Variants in LMO7 observed in about 807,000 individuals in gnomAD.
The protein encoded by LMO7 is LIM domain 7, also known as LIM domain only protein 7.
In LMO7, 120 loss-of-function variants were observed where a neutral mutation model predicts 206.5. That is an observed-to-expected ratio of 0.58 (90% CI 0.50 to 0.68). The LOEUF (loss-of-function observed/expected upper bound fraction) is 0.68. Among genes scored for constraint, LMO7 ranks in the 30% least tolerant of loss-of-function variants. The pLI is 0.00. For synonymous variants in LMO7, 706 were observed against 681.5 expected (o/e 1.04, Z -0.56); for missense variants, 1,959 against 1,957.9 (o/e 1.00, Z -0.01).
intron 1 of LMO7, among the ~76,000 whole-genome samples, chr13:75,647,969 T>TTTTTTTTTTTTA (rs2037201174): frequency 6.7e-6 from 1 of 148,670 alleles, no homozygotes; most frequent in Non-Finnish European, 1.5e-5. Context: ...TTTTTTTTTT[T>TTTTTTTTTTTTA]GAGACAGGGT....
chr13:75,729,671 A>T (rs917753388), intron 3 of LMO7, among the ~76,000 whole-genome samples: 14 of 151,430 alleles, frequency 9.2e-5, no homozygotes, highest in African/African-American at 3.4e-4. Context: ...TATGTTGAAT[A>T]GGAGTGGTGA....
chr13:75,699,525 C>T (rs1414144590), intron 1 of LMO7, among the ~76,000 whole-genome samples: 1 of 151,674 alleles, frequency 6.6e-6, no homozygotes, highest in Non-Finnish European at 1.5e-5. Flanking sequence ...AATTTTACAG[C>T]TGGGTCTCCG....
chr13:75,831,063 A>G (rs747156043), intron 15 of LMO7, among the ~76,000 whole-genome samples: 7 of 151,896 alleles, frequency 4.6e-5, no homozygotes, highest in African/African-American at 9.7e-5. Context: ...ACTTAAGTGT[A>G]TGGTGGTTTT....
At chr13:75,652,614 A>AGTGT (rs59671117) in intron 1 of LMO7, among the ~76,000 whole-genome samples, 9,134 of 137,800 alleles carry the variant, frequency 0.066, 406 homozygotes, top group African/African-American at 0.11. Flanking sequence ...CCACAAGTTC[A>AGTGT]GTGTGTGTGT....
At chr13:75,853,452 C>A in intron 28 of LMO7, 64 bp downstream of exon 28, 1 of 1,392,704 alleles carries the variant, frequency 7.2e-7, no homozygotes, top group Non-Finnish European at 9.7e-7. Context: ...AAAATATCCC[C>A]CAAATCCTGT....
chr13:75,665,531 ATT>A (rs35856612), intron 1 of LMO7, among the ~76,000 whole-genome samples: 1 of 148,036 alleles, frequency 6.8e-6, no homozygotes, highest in African/African-American at 2.5e-5. Context: ...CCTAGTCTAC[ATT>A]TTTTTTTTTT....
intron 1 of LMO7, among the ~76,000 whole-genome samples, chr13:75,665,503 A>G (rs1306592421): frequency 1.3e-5 from 2 of 151,406 alleles, no homozygotes; most frequent in Non-Finnish European, 2.9e-5. Context: ...ATTCTAATTC[A>G]GAGGAAATTT....
intron 4 of LMO7, among the ~76,000 whole-genome samples, chr13:75,772,722 A>T (rs2049922082): frequency 6.6e-6 from 1 of 152,170 alleles, no homozygotes; most frequent in African/African-American, 2.4e-5. Context: ...TGTATCTGTC[A>T]GACATGGTAA....
At chr13:75,734,872 G>A (rs962052268) in intron 3 of LMO7, among the ~76,000 whole-genome samples, 1 of 152,134 alleles carries the variant, frequency 6.6e-6, no homozygotes, top group Non-Finnish European at 1.5e-5. Flanking sequence ...GGCCAAGGCG[G>A]GCGGATCACA....
intron 5 of LMO7, 63 bp downstream of exon 5, chr13:75,795,494 G>C: frequency 8.6e-7 from 1 of 1,164,396 alleles, no homozygotes; most frequent in Non-Finnish European, 1.3e-6. Context: ...TCTGTAAGAA[G>C]GCAGTGAATC....
intron 4 of LMO7, among the ~76,000 whole-genome samples, chr13:75,794,850 T>G (rs1244941129): frequency 2.0e-5 from 3 of 152,242 alleles, no homozygotes; most frequent in Admixed American, 2.0e-4. Flanking sequence ...TGGCTGTTTT[T>G]TAAACTGCCA....
chr13:75,686,298 CAAGAG>C (rs1433117852), intron 1 of LMO7, among the ~76,000 whole-genome samples: 9 of 152,204 alleles, frequency 5.9e-5, no homozygotes, highest in East Asian at 5.8e-4. Context: ...TGGTGGCAGA[CAAGAG>C]AAGAGAGAGA....
chr13:75,759,046 G>C (rs911181033), intron 3 of LMO7, among the ~76,000 whole-genome samples: 1 of 152,168 alleles, frequency 6.6e-6, no homozygotes, highest in African/African-American at 2.4e-5. Flanking sequence ...TACAGTCATG[G>C]GGGAAGGGGA....
At chr13:75,810,798 T>C (rs1412239889) in intron 11 of LMO7, among the ~76,000 whole-genome samples, 4 of 152,236 alleles carry the variant, frequency 2.6e-5, no homozygotes, top group African/African-American at 9.6e-5. Flanking sequence ...TGGCTGGATG[T>C]GTTCCCTGTA....
chr13:75,713,802 A>G (rs1351610350), intron 2 of LMO7, among the ~76,000 whole-genome samples: 3 of 152,206 alleles, frequency 2.0e-5, no homozygotes, highest in African/African-American at 7.2e-5. Context: ...AAGATAGGCT[A>G]GTACCATGAT....
At chr13:75,716,090 A>G (rs988181135) in intron 2 of LMO7, among the ~76,000 whole-genome samples, 1 of 152,176 alleles carries the variant, frequency 6.6e-6, no homozygotes, top group African/African-American at 2.4e-5. Context: ...CTTGTTGCCT[A>G]TTAGAAACCT....
chr13:75,751,149 C>CTTTTTTTTTTTTTT (rs57976279), intron 3 of LMO7, among the ~76,000 whole-genome samples: 9 of 60,424 alleles, frequency 1.5e-4, no homozygotes, highest in African/African-American at 6.1e-4. Flanking sequence ...TTTTTCAGCT[C>CTTTTTTTTTTTTTT]TTTTTTTTTT....
At chr13:75,815,881 G>A (rs1357702409) in intron 11 of LMO7, among the ~76,000 whole-genome samples, 1 of 152,148 alleles carries the variant, frequency 6.6e-6, no homozygotes, top group Non-Finnish European at 1.5e-5. Context: ...TGGAGGGCAG[G>A]TAGCAACATT....
At chr13:75,625,389 G>C (rs1342339935) in intron 2 of LMO7, among the ~76,000 whole-genome samples, 1 of 151,758 alleles carries the variant, frequency 6.6e-6, no homozygotes. Context: ...AGCCCTTTGA[G>C]TATGTAAAGG....
Sources: allele counts gnomAD v4.1 joint callset (sites outside exome capture counted in the v4.1 genomes callset), GRCh38; gene constraint gnomAD v4.1.1; transcripts MANE v1.5; gene names NCBI Gene and HGNC (gene_info 2026-07-23, HGNC 2026-07-21).